GOLGA4: variants seen among roughly 807,000 people sequenced by gnomAD.
GOLGA4 encodes the protein golgin subfamily A member 4.
In GOLGA4, 169 loss-of-function variants were observed where a neutral mutation model predicts 265.9. That is an observed-to-expected ratio of 0.64 (90% confidence interval 0.56 to 0.72). GOLGA4 has a LOEUF of 0.72. Ranked by LOEUF, GOLGA4 falls within the 30% of genes least tolerant of loss-of-function variation. The pLI is 0.00. For missense variants in GOLGA4, 2,482 were observed against 2,483.4 expected (o/e 1.00, Z 0.01); for synonymous variants, 923 against 855.8 (o/e 1.08, Z -1.37).
intron 5 of GOLGA4, among the ~76,000 whole-genome samples, chr3:37,293,753 G>A (rs971065450): frequency 6.6e-6 from 1 of 152,180 alleles, no homozygotes; most frequent in Non-Finnish European, 1.5e-5. Flanking sequence ...CTAAAGCCAT[G>A]GTCAGCAGGT....
At chr3:37,335,239 A>G (rs1484687899) in intron 17 of GOLGA4, 73 bp downstream of exon 17, 12 of 775,706 alleles carry the variant, frequency 1.5e-5, no homozygotes, top group Non-Finnish European at 2.4e-5. Context: ...CTAGCCTACT[A>G]ACATACATAC....
intron 23 of GOLGA4, among the ~76,000 whole-genome samples, chr3:37,364,379 T>A (rs1014424754): frequency 2.0e-5 from 3 of 151,140 alleles, no homozygotes; most frequent in African/African-American, 7.3e-5. Flanking sequence ...TAGCTGGGGT[T>A]ACAGGTGCCC....
At chr3:37,259,582 A>T (rs547565720) in intron 2 of GOLGA4, among the ~76,000 whole-genome samples, 1 of 152,278 alleles carries the variant, frequency 6.6e-6, no homozygotes. Context: ...AGTCTAGCTA[A>T]TGGTTTGTCA....
chr3:37,334,902 G>A (rs904241081), intron 16 of GOLGA4, 151 bp from the exon 17 acceptor site: 7 of 560,806 alleles, frequency 1.2e-5, no homozygotes, highest in Admixed American at 6.2e-5. Flanking sequence ...AAAAACAGTA[G>A]TGTGTGTCTC....
chr3:37,306,325 A>T (rs1418442575), intron 10 of GOLGA4, among the ~76,000 whole-genome samples: 1 of 152,214 alleles, frequency 6.6e-6, no homozygotes, highest in Non-Finnish European at 1.5e-5. Context: ...TCTAGTTGTT[A>T]CTTAAGAACA....
At position 37,326,870 on chromosome 3, in the gene GOLGA4, AAAG is replaced by A. The variant is rs1244849828; in HGVS notation, c.4990_4992del (p.Glu1664del). 6.2e-7 allele frequency: 1 copy of A among 1,613,586 alleles called. No individual in the cohort carries two copies. Among genetic ancestry groups the A allele is most frequent in the East Asian group, 2.2e-5 (1 of 44,870 alleles). Reference sequence around the variant, plus strand: ...GCAGTTGTTATCTCAAATGGAAGAGAAAGAAGAACAGTATAAAAAAGGTACAGA... The same window carrying A: ...GCAGTTGTTATCTCAAATGGAAGAGAAAGAACAGTATAAAAAAGGTACAGA... On this transcript the variant is annotated inframe_deletion, in exon 14 of 24. Transcript: ENST00000361924.
At chr3:37,281,894 T>G (rs1212732362) in intron 2 of GOLGA4, 64 bp from the exon 3 acceptor site, 3 of 1,044,908 alleles carry the variant, frequency 2.9e-6, no homozygotes, top group Non-Finnish European at 4.3e-6. Flanking sequence ...TTGCTGGTGA[T>G]GGGGTAATGG....
At chr3:37,256,686 C>G (rs2150627539) in intron 2 of GOLGA4, among the ~76,000 whole-genome samples, 1 of 152,178 alleles carries the variant, frequency 6.6e-6, no homozygotes, top group South Asian at 2.1e-4. Context: ...GGCTTCCTGT[C>G]CTTGTTGTTG....
chr3:37,310,919 G>A (rs1277665716), intron 10 of GOLGA4, among the ~76,000 whole-genome samples: 1 of 152,088 alleles, frequency 6.6e-6, no homozygotes, highest in Non-Finnish European at 1.5e-5. Flanking sequence ...ACTGATGCAC[G>A]CTTTATTTCT....
At chr3:37,316,199 C>CTTTTTTTTTTT (rs34521576) in intron 11 of GOLGA4, among the ~76,000 whole-genome samples, 3 of 138,778 alleles carry the variant, frequency 2.2e-5, no homozygotes, top group South Asian at 2.3e-4. Flanking sequence ...TTTTTTTCTG[C>CTTTTTTTTTTT]TTTTTTTTTT....
At chr3:37,346,037 A>G (rs980548126) in intron 20 of GOLGA4, among the ~76,000 whole-genome samples, 5 of 152,186 alleles carry the variant, frequency 3.3e-5, no homozygotes, top group Non-Finnish European at 5.9e-5. Flanking sequence ...ATCTAGAGGA[A>G]TAAAATACTC....
intron 1 of GOLGA4, among the ~76,000 whole-genome samples, chr3:37,249,536 G>C (rs1475497967): frequency 6.6e-6 from 1 of 152,002 alleles, no homozygotes; most frequent in Non-Finnish European, 1.5e-5. Context: ...AGCCTCCTGA[G>C]TACCTGGGAT....
At chr3:37,342,031 G>A (rs1213222637) in intron 20 of GOLGA4, among the ~76,000 whole-genome samples, 5 of 151,850 alleles carry the variant, frequency 3.3e-5, no homozygotes, top group East Asian at 1.9e-4. Context: ...TAATCTCTTC[G>A]TCATGCTGCC....
In GOLGA4 at chr3:37,327,315, T is replaced by C. The variant is rs1252012481; in HGVS notation, c.5429T>C (p.Leu1810Ser). ...GAAGAAAAAAACAAGAAATATTCCT[T>C]GATAGTAGCCCAGCATGTGGAAAAA... ...ELEEKNKKYS[L>S]IVAQHVEKEG... The change falls in exon 14 of 24, where the codon TTG becomes TCG. Residue 1810 changes from leucine to serine, a missense_variant. Coordinates refer to ENST00000361924, the MANE Select transcript of GOLGA4 (RefSeq NM_002078.5). 6.2e-7 allele frequency: 1 copy of C among 1,613,820 alleles called. No individual in the cohort carries two copies. Among genetic ancestry groups the C allele is most frequent in the East Asian group, 2.2e-5 (1 of 44,880 alleles).
At chr3:37,318,464 T>C (rs2096944193) in intron 11 of GOLGA4, among the ~76,000 whole-genome samples, 1 of 152,204 alleles carries the variant, frequency 6.6e-6, no homozygotes, top group Admixed American at 6.5e-5. Flanking sequence ...AATTTTATAA[T>C]ATGCTGTTTG....
intron 2 of GOLGA4, among the ~76,000 whole-genome samples, chr3:37,277,628 T>C (rs1201779462): frequency 6.6e-6 from 1 of 152,200 alleles, no homozygotes; most frequent in African/African-American, 2.4e-5. Context: ...TGTCAATGAG[T>C]GAGATTGTTG....
intron 2 of GOLGA4, among the ~76,000 whole-genome samples, chr3:37,269,716 G>A (rs560860071): frequency 9.9e-5 from 15 of 152,098 alleles, no homozygotes; most frequent in East Asian, 3.9e-4. Flanking sequence ...CTAAATATTC[G>A]TAATGTAAAT....
Position 37,328,412 on chromosome 3 carries a change from TCAGA to T in GOLGA4, c.5940_5943del (p.Gln1981SerfsTer7). 4 of 1,610,162 alleles carry T rather than the reference TCAGA, an allele frequency of 2.5e-6. No homozygotes were observed. Among genetic ancestry groups the T allele is most frequent in the South Asian group, 1.1e-5 (1 of 90,290 alleles). The stretch of plus-strand genomic sequence containing the variant: ...GCAGTTAACGGTACATTTTTATTAC[TCAGA>T]CAGGAGCAGGAAGATCTTGAACTGA... On this transcript the variant is annotated splice_acceptor_variant and splice_polypyrimidine_tract_variant and coding_sequence_variant and intron_variant, in exon 15 of 24. Transcript: ENST00000361924. LOFTEE classifies it high-confidence loss of function.
Position 37,327,165 on chromosome 3 carries a change from A to G in GOLGA4, c.5279A>G (p.Glu1760Gly), listed in dbSNP as rs1339932246. ...KLLQRVGQEK[E>G]ETVSSHFEMR... ...TTGCAGAGGGTAGGGCAGGAAAAAG[A>G]AGAGACAGTTTCTTCTCATTTTGAA... is the stretch of plus-strand genomic sequence containing the variant. Residue 1760 changes from glutamate to glycine, a missense_variant, in exon 14 of 24, where the codon GAA becomes GGA. Glu to Gly is a moderately conservative substitution (Grantham distance 98). This residue lies in a region of GOLGA4 where 942 missense variants were observed against 983.1 expected (regional missense o/e 0.96). Coordinates refer to ENST00000361924, the MANE Select transcript of GOLGA4 (RefSeq NM_002078.5). 6.2e-7 allele frequency: 1 copy of G among 1,613,816 alleles called. No homozygotes were observed. The highest frequency in any genetic ancestry group is 1.3e-5 in the African/African-American group (1 of 74,940).
Sources: allele counts gnomAD v4.1 joint callset (sites outside exome capture counted in the v4.1 genomes callset), GRCh38; gene constraint gnomAD v4.1.1; regional missense constraint gnomAD v4.1.1; transcripts MANE v1.5; gene names NCBI Gene and HGNC (gene_info 2026-07-23, HGNC 2026-07-21).